PTK7: variants seen among roughly 807,000 people sequenced by gnomAD.
The protein encoded by PTK7 is inactive tyrosine-protein kinase 7.
PTK7 carries 39 observed loss-of-function variants against 116.6 expected under a neutral mutation model. That is an observed-to-expected ratio of 0.33 (90% CI 0.26 to 0.44). PTK7 has a LOEUF of 0.44. Among genes scored for constraint, PTK7 ranks in the 20% least tolerant of loss-of-function variants. The pLI, the probability that PTK7 is intolerant of heterozygous loss-of-function variation, is 1.00. For missense variants in PTK7, 1,169 were observed against 1,425.6 expected (o/e 0.82, Z 2.90); for synonymous variants, 546 against 563.6 (o/e 0.97, Z 0.44).
At chr6:43,151,272 A>G (rs1286005609) in intron 17 of PTK7, among the ~76,000 whole-genome samples, 3 of 145,242 alleles carry the variant, frequency 2.1e-5, no homozygotes, top group Non-Finnish European at 4.5e-5. Flanking sequence ...GTGCAGTGGC[A>G]GTGATCTCTG....
At position 43,076,980 on chromosome 6, in the gene PTK7, G is replaced by A. The variant is rs1412017513; in HGVS notation, c.79+413G>A. ...ATTCCCCACCCCACCCGGCAGGGTC[G>A]GCCCAGGTAAGAGTTGCTGGTTTGG... On this transcript the variant is annotated intron_variant, in intron 1 of 19. Transcript: ENST00000230419. This position sits in a 1 kb window ranked among gnomAD's most constrained non-coding sequence, Gnocchi z 5.7. 6.7e-7 allele frequency: 1 copy of A among 1,495,662 alleles called. No homozygotes were observed. Among genetic ancestry groups the A allele is most frequent in the Admixed American group, 2.1e-5 (1 of 47,826 alleles). The allele number at this position is 1,495,662 out of a possible 1,614,324, so 92.6% of individuals were successfully genotyped here. A position where few individuals can be genotyped will look rare whatever the true frequency, so the allele number is the denominator to read the frequency against.
rs1242142410 is a variant in PTK7, at chr6:43,149,079, AAAG to A, written c.2721+2384_2721+2386del. On this transcript the variant is annotated intron_variant, in intron 17 of 19. Coordinates refer to ENST00000230419, the MANE Select transcript of PTK7 (RefSeq NM_002821.5). ...TGTCTCAAAAAAAAAAAAAAAAAAA[AAAG>A]AAATGCAGGCCAGGCACAGTGGCTC... Among the ~76,000 whole-genome samples, 6 of 146,592 alleles carry A rather than the reference AAAG, an allele frequency of 4.1e-5. No individual in the cohort carries two copies. In the East Asian group the frequency reaches 1.2e-3, roughly 31 times the overall value.
intron 1 of PTK7, among the ~76,000 whole-genome samples, chr6:43,113,002 TC>T (rs1290641694): frequency 1.3e-5 from 2 of 151,876 alleles, no homozygotes; most frequent in African/African-American, 4.8e-5. Flanking sequence ...CTAATTTTTT[TC>T]TTCTTTTAGA....
At chr6:43,115,402 TTGAC>T (rs1490137790) in intron 1 of PTK7, among the ~76,000 whole-genome samples, 67 of 152,272 alleles carry the variant, frequency 4.4e-4, no homozygotes, top group African/African-American at 1.5e-3. Flanking sequence ...ATCTGATGGT[TTGAC>T]TGTAGCCGAG....
chr6:43,122,022 G>A (rs1046343566), intron 1 of PTK7, among the ~76,000 whole-genome samples: 1 of 152,158 alleles, frequency 6.6e-6, no homozygotes. Context: ...CGTGCCTGTG[G>A]CCCCAGCTAC....
chr6:43,149,059 C>CAA (rs59033917), intron 17 of PTK7, among the ~76,000 whole-genome samples: 53 of 69,774 alleles, frequency 7.6e-4, no homozygotes, highest in African/African-American at 1.4e-3. Flanking sequence ...GACTTTGTCT[C>CAA]AAAAAAAAAA....
At chr6:43,142,437 G>A (rs757292651) in intron 13 of PTK7, 138 bp downstream of exon 13, 2 of 1,306,366 alleles carry the variant, frequency 1.5e-6, no homozygotes, top group Admixed American at 3.9e-5. Context: ...GTCTCACCAT[G>A]CTGCTGCACA....
rs1770671800 is a variant in PTK7, at chr6:43,145,420, A to G, written c.2628A>G (p.Glu876=). The G allele has an allele frequency of 1.3e-6, 2 of 1,584,814 alleles. No homozygotes were observed. Among genetic ancestry groups the G allele is most frequent in the African/African-American group, 1.4e-5 (1 of 74,032 alleles). The stretch of plus-strand genomic sequence containing the variant: ...CTGAGCCCCACTACATGGTGCTGGA[A>G]TATGTGGATCTGGTATGCTGTTGGC... The part of the protein sequence containing the change: ...REAEPHYMVL[E]YVDLGDLKQF... Residue 876 remains glutamate, a synonymous_variant, in exon 16 of 20, where the codon GAA becomes GAG. Transcript: ENST00000230419. This position sits in a 1 kb window ranked among gnomAD's most constrained non-coding sequence, Gnocchi z 4.8.
At chr6:43,160,403 C>T (rs888426668) in intron 19 of PTK7, among the ~76,000 whole-genome samples, 3 of 152,198 alleles carry the variant, frequency 2.0e-5, no homozygotes, top group Non-Finnish European at 4.4e-5. Flanking sequence ...CAGGCGTGAG[C>T]CACCACACCT....
chr6:43,113,236 G>C (rs1026753005), intron 1 of PTK7, among the ~76,000 whole-genome samples: 1 of 151,932 alleles, frequency 6.6e-6, no homozygotes, highest in Non-Finnish European at 1.5e-5. Context: ...GTTTGAGTTC[G>C]AGCCTAGCCA....
At position 43,139,641 on chromosome 6, in the gene PTK7, A is replaced by G; in HGVS notation, c.1618+116A>G. 6 of 1,471,586 alleles carry G rather than the reference A, an allele frequency of 4.1e-6. No individual in the cohort carries two copies. The highest frequency in any genetic ancestry group is 5.5e-6 in the Non-Finnish European group (6 of 1,092,426). 91.2% of individuals were successfully genotyped at this position (1,471,586 alleles called of 1,614,324 possible). On this transcript the variant is annotated intron_variant, in intron 10 of 19. Transcript: ENST00000230419. This position sits in a 1 kb window ranked among gnomAD's most constrained non-coding sequence, Gnocchi z 4.6. ...CAGGAAATGTGGAGATTAGACAAGCAGTGCAGGGCTGATGTATAGTTTAGT... is the reference window on the plus strand; with the variant it reads ...CAGGAAATGTGGAGATTAGACAAGCGGTGCAGGGCTGATGTATAGTTTAGT...
At chr6:43,093,634 C>T (rs1407295534) in intron 1 of PTK7, among the ~76,000 whole-genome samples, 1 of 152,062 alleles carries the variant, frequency 6.6e-6, no homozygotes, top group Non-Finnish European at 1.5e-5. Flanking sequence ...CAGCTGGTTG[C>T]CATCCATTCT....
In PTK7 at chr6:43,076,900, CG is replaced by C. The variant is rs946585644; in HGVS notation, c.79+338del. 4.0e-6 allele frequency: 6 copies of C among 1,508,904 alleles called. No homozygotes were observed. In the African/African-American group the frequency reaches 6.9e-5, roughly 17 times the overall value. The allele number at this position is 1,508,904 out of a possible 1,614,324, so 93.5% of individuals were successfully genotyped here. On this transcript the variant is annotated intron_variant, in intron 1 of 19. Transcript: ENST00000230419. This position sits in a 1 kb window ranked among gnomAD's most constrained non-coding sequence, Gnocchi z 5.7. ...CGGGCCCAGATGGGGAGTTTCTTGT[CG>C]GGGGAGAAAAGACCATCCGCACCCA...
At position 43,143,309 on chromosome 6, in the gene PTK7, G is replaced by C; in HGVS notation, c.2048-108G>C. ...AGCCAGTGAAGGTGGTGACCCTCCC[G>C]GGCCATCTGTTAAGTTGCCCTGTTG... On this transcript the variant is annotated intron_variant, in intron 13 of 19. Coordinates refer to ENST00000230419, the MANE Select transcript of PTK7 (RefSeq NM_002821.5). The surrounding 1 kb of genome is among the most constrained non-coding windows in gnomAD (Gnocchi z 4.2). 9.0e-7 allele frequency: 1 copy of C among 1,107,616 alleles called. No homozygotes were observed. Among genetic ancestry groups the C allele is most frequent in the African/African-American group, 1.6e-5 (1 of 63,818 alleles). The allele number at this position is 1,107,616 out of a possible 1,614,324, so 68.6% of individuals were successfully genotyped here.
At chr6:43,090,277 C>T (rs1766876376) in intron 1 of PTK7, among the ~76,000 whole-genome samples, 1 of 152,236 alleles carries the variant, frequency 6.6e-6, no homozygotes, top group Non-Finnish European at 1.5e-5. Flanking sequence ...AATACTTCTC[C>T]CAATAGCCCC....
At chr6:43,105,278 A>G (rs1355106964) in intron 1 of PTK7, among the ~76,000 whole-genome samples, 1 of 151,620 alleles carries the variant, frequency 6.6e-6, no homozygotes, top group African/African-American at 2.4e-5. Context: ...AATATTCTTC[A>G]TAATGACAAA....
intron 5 of PTK7, 174 bp from the exon 6 acceptor site, chr6:43,131,842 C>T (rs899459583): frequency 1.2e-6 from 1 of 818,736 alleles, no homozygotes; most frequent in African/African-American, 1.7e-5. Context: ...TGCACCTGAG[C>T]AAGTGTATGC....
At chr6:43,146,740 G>A in intron 17 of PTK7, 42 bp downstream of exon 17, 1 of 1,569,798 alleles carries the variant, frequency 6.4e-7, no homozygotes, top group South Asian at 1.1e-5. Flanking sequence ...GGGTGCCCAG[G>A]GGTGGGCCAG....
rs768258981 is a variant in PTK7 at position 43,085,529 on chromosome 6, A to G, written c.79+8962A>G. Among the ~76,000 whole-genome samples, 53 of 151,522 alleles carry G rather than the reference A, an allele frequency of 3.5e-4. 1 individual carries two copies. The highest frequency in any genetic ancestry group is 6.5e-4 in the Non-Finnish European group (44 of 67,878). On this transcript the variant is annotated intron_variant, in intron 1 of 19. Coordinates refer to ENST00000230419, the MANE Select transcript of PTK7 (RefSeq NM_002821.5). ...CCCAAAGTGCTGGGATTACAGGCAT[A>G]AGCCACTGTGCCTGGCCAGAGGTGT...
Sources: allele counts gnomAD v4.1 joint callset (sites outside exome capture counted in the v4.1 genomes callset), GRCh38; gene constraint gnomAD v4.1.1; non-coding constraint Gnocchi (gnomAD v3.1); transcripts MANE v1.5; gene names NCBI Gene and HGNC (gene_info 2026-07-23, HGNC 2026-07-21).